The following TTLL6 variants were observed in gnomAD, a reference collection of about 807,000 sequenced individuals.
TTLL6 encodes the protein tubulin tyrosine ligase like 6.
TTLL6 carries 75 observed loss-of-function variants against 96.4 expected under a neutral mutation model. That is an observed-to-expected ratio of 0.78 (90% CI 0.65 to 0.94). The LOEUF (loss-of-function observed/expected upper bound fraction) is 0.94, where lower values mean the gene tolerates loss of function less well. Ranked by LOEUF, TTLL6 falls within the 40% of genes least tolerant of loss-of-function variation. The pLI, the probability that TTLL6 is intolerant of heterozygous loss-of-function variation, is 0.00. For synonymous variants in TTLL6, 411 were observed against 419.4 expected, an observed-to-expected ratio of 0.98 and a Z score of 0.24; for missense variants, 1,030 against 1,093.0, an observed-to-expected ratio of 0.94 and a Z score of 0.81.
chr17:48,783,258 C>T (rs2039022444), intron 13 of TTLL6, among the ~76,000 whole-genome samples: 1 of 152,042 alleles, frequency 6.6e-6, no homozygotes, highest in Non-Finnish European at 1.5e-5. Flanking sequence ...GAAGGCCCAA[C>T]AATGCTGAAG....
intron 2 of TTLL6, chr17:48,804,330 T>C (rs2039471503): frequency 4.1e-6 from 2 of 484,506 alleles, no homozygotes; most frequent in Admixed American, 4.6e-5. Context: ...TGGACAAGCT[T>C]TCCTTCATCA....
intron 9 of TTLL6, among the ~76,000 whole-genome samples, chr17:48,791,022 G>A (rs768340062): frequency 7.9e-5 from 12 of 152,106 alleles, no homozygotes; most frequent in Non-Finnish European, 1.5e-4. Context: ...GTGGGGCACC[G>A]CCGCTCCTGT....
chr17:48,800,466 CA>C (rs1166034312), intron 5 of TTLL6, among the ~76,000 whole-genome samples: 2 of 152,172 alleles, frequency 1.3e-5, no homozygotes, highest in Non-Finnish European at 2.9e-5. Context: ...CCTCAGTAAC[CA>C]TGAAATCTGG....
Position 48,777,360 on chromosome 17 carries a change from C to G in TTLL6, c.2041-7263G>C, listed in dbSNP as rs537358749. ...CTGTAATCCCAGCACTTTGGGAGGCCGAGGCAGGAGGATCACCTGAGGTCA... is the reference window on the plus strand; with the variant it reads ...CTGTAATCCCAGCACTTTGGGAGGCGGAGGCAGGAGGATCACCTGAGGTCA... On this transcript the variant is annotated intron_variant, in intron 13 of 15. Coordinates refer to ENST00000393382, the MANE Select transcript of TTLL6 (RefSeq NM_001130918.3). 5.3e-5 allele frequency among the ~76,000 whole-genome samples: 8 copies of G among 151,976 alleles called. 1 individual carries two copies. Among genetic ancestry groups the G allele is most frequent in the Admixed American group, 5.3e-4 (8 of 15,232 alleles).
chr17:48,785,114 G>C lies in TTLL6; in HGVS notation c.1849C>G (p.Leu617Val). 6.2e-7 allele frequency: 1 copy of C among 1,614,180 alleles called. No individual in the cohort carries two copies. Among genetic ancestry groups the C allele is most frequent in the Non-Finnish European group, 8.5e-7 (1 of 1,180,030 alleles). Residue 617 changes from leucine to valine, a missense_variant, in exon 13 of 16, where the codon CTC becomes GTC. Leu to Val is a conservative substitution (Grantham distance 32). Transcript: ENST00000393382. ...GERKNETDSS[L>V]NQEAPTEEAS... ...TCCTCCGTGGGAGCCTCCTGGTTGA[G>C]GCTGCTGTCTGTTTCATTTTTCCTT...
At position 48,816,999 on chromosome 17, in the gene TTLL6, G is replaced by A; in HGVS notation, c.74C>T (p.Ala25Val). 1 of 1,540,616 alleles carries A rather than the reference G, an allele frequency of 6.5e-7. No homozygotes were observed. The highest frequency in any genetic ancestry group is 8.7e-7 in the Non-Finnish European group (1 of 1,144,628). ...AATTCCTACTCCCCCGTCTCGCCCC[G>A]CTGGGCTGCTAGTCCAGCTTGCAAC... ...GVVASWTSSP[A>V]GRDGGVGIAG... The change falls in exon 1 of 16, where the codon GCG becomes GTG. Residue 25 changes from alanine (A) to valine (V), a missense_variant. By Grantham distance (64) the Ala-to-Val change is moderately conservative (BLOSUM62 0). Coordinates refer to ENST00000393382, the MANE Select transcript of TTLL6 (RefSeq NM_001130918.3).
chr17:48,804,657 G>T, intron 2 of TTLL6, 115 bp downstream of exon 2: 1 of 863,236 alleles, frequency 1.2e-6, no homozygotes, highest in Non-Finnish European at 1.8e-6. Flanking sequence ...GATGTTGACA[G>T]TCTCAGCACA....
rs1033476189 is a variant in TTLL6, at chr17:48,784,985, G to T, written c.1978C>A (p.Pro660Thr). The change falls in exon 13 of 16, where the codon CCC becomes ACC. Residue 660 changes from proline (P) to threonine (T), a missense_variant. Physicochemically the swap from Pro to Thr is conservative, Grantham distance 38 (BLOSUM62 -1). Transcript: ENST00000393382. The part of the protein sequence containing the change: ...LSSSKLEPSK[P>T]NFSIKEAKSA... The stretch of plus-strand genomic sequence containing the variant: ...TTGGCCTCCTTGATGCTGAAGTTGG[G>T]TTTACTGGGCTCCAACTTCGAGCTG... 4 of 1,614,218 alleles carry T rather than the reference G, an allele frequency of 2.5e-6. No homozygotes were observed. The highest frequency in any genetic ancestry group is 2.5e-6 in the Non-Finnish European group (3 of 1,180,030).
chr17:48,805,544 C>T (rs2039492964), intron 1 of TTLL6, among the ~76,000 whole-genome samples: 1 of 152,196 alleles, frequency 6.6e-6, no homozygotes, highest in Non-Finnish European at 1.5e-5. Context: ...GAGACACCAA[C>T]CACAGAGAAG....
intron 8 of TTLL6, chr17:48,794,405 G>C (rs148475657): frequency 7.0e-7 from 1 of 1,423,874 alleles, no homozygotes; most frequent in Non-Finnish European, 9.3e-7. Context: ...CCTGTGAGGT[G>C]GCAGGGCAGG....
intron 8 of TTLL6, 31 bp from the exon 9 acceptor site, chr17:48,791,634 G>C: frequency 6.4e-7 from 1 of 1,562,678 alleles, no homozygotes; most frequent in Non-Finnish European, 8.7e-7. Flanking sequence ...AGGAGGCAGT[G>C]TAGCTGGCTT....
At chr17:48,787,481 C>T (rs944509530) in intron 11 of TTLL6, among the ~76,000 whole-genome samples, 1 of 152,122 alleles carries the variant, frequency 6.6e-6, no homozygotes, top group Admixed American at 6.5e-5. Context: ...GCTTCCACCC[C>T]CTGGGCTCAG....
At chr17:48,802,078 A>AAAAG (rs139321404) in intron 3 of TTLL6, among the ~76,000 whole-genome samples, 1,659 of 121,356 alleles carry the variant, frequency 0.014, 28 homozygotes, top group East Asian at 0.053. Flanking sequence ...GAAAGAAAGA[A>AAAAG]AAAGAAAGAA....
At chr17:48,774,103 A>AG (rs1440717422) in intron 13 of TTLL6, among the ~76,000 whole-genome samples, 1 of 134,670 alleles carries the variant, frequency 7.4e-6, no homozygotes, top group Admixed American at 8.1e-5. Context: ...AAACAAAAAA[A>AG]AAAAAAAAAC....
chr17:48,766,392 T>TA (rs1330745600), intron 15 of TTLL6, among the ~76,000 whole-genome samples: 2 of 152,210 alleles, frequency 1.3e-5, no homozygotes, highest in African/African-American at 4.8e-5. Context: ...TGCCTGGCCT[T>TA]TTCTGCTAAG....
chr17:48,787,288 A>G (rs2039119519), intron 11 of TTLL6, among the ~76,000 whole-genome samples: 1 of 152,210 alleles, frequency 6.6e-6, no homozygotes, highest in South Asian at 2.1e-4. Flanking sequence ...GGCTATCCTC[A>G]GGAGTGAGTT....
chr17:48,807,251 C>T lies in TTLL6; in HGVS notation c.104-2260G>A, dbSNP rs12948306. ...TACTACAGGCATACACCACCACACC[C>T]GGCTAGTTTTGTATTTTTAGTAGAG... On this transcript the variant is annotated intron_variant, in intron 1 of 15. Transcript: ENST00000393382. Among the ~76,000 whole-genome samples the T allele has an allele frequency of 2.6e-5, 4 of 151,260 alleles. No individual in the cohort carries two copies. The South Asian group carries it at 6.3e-4, about 24-fold the overall frequency.
intron 10 of TTLL6, 89 bp downstream of exon 10, chr17:48,789,842 C>T: frequency 2.1e-6 from 3 of 1,404,132 alleles, no homozygotes; most frequent in Non-Finnish European, 2.9e-6. Context: ...CAGGTGTGAG[C>T]CACTGCACCC....
chr17:48,763,088 A>T, intron 15 of TTLL6, 115 bp from the exon 16 acceptor site: 1 of 363,394 alleles, frequency 2.8e-6, no homozygotes, highest in Non-Finnish European at 5.3e-6. Flanking sequence ...CGCTTAGGTG[A>T]CTTATATCTG....
Sources: allele counts gnomAD v4.1 joint callset (sites outside exome capture counted in the v4.1 genomes callset), GRCh38; gene constraint gnomAD v4.1.1; transcripts MANE v1.5; gene names NCBI Gene and HGNC (gene_info 2026-07-23, HGNC 2026-07-21).